The following SEC11A variants were observed in gnomAD, a reference collection of about 807,000 sequenced individuals.
SEC11A encodes the protein signal peptidase complex catalytic subunit SEC11A.
A neutral mutation model predicts 25.6 loss-of-function variants in SEC11A; 14 were observed. That is an observed-to-expected ratio of 0.55 (90% CI 0.36 to 0.85). The LOEUF (loss-of-function observed/expected upper bound fraction) is 0.85. SEC11A is among the 40% of genes least tolerant of loss of function. SEC11A has a pLI of 0.01. For missense variants in SEC11A, 153 were observed against 222.9 expected (o/e 0.69, Z 2.00); for synonymous variants, 83 against 76.4 (o/e 1.09, Z -0.45).
At chr15:84,707,021 T>C (rs1242304604) in intron 1 of SEC11A, among the ~76,000 whole-genome samples, 1 of 152,040 alleles carries the variant, frequency 6.6e-6, no homozygotes. Flanking sequence ...GCAGTCTCAC[T>C]CCAGCAGCTG....
intron 1 of SEC11A, among the ~76,000 whole-genome samples, chr15:84,713,206 A>AC (rs1415947764): frequency 2.4e-4 from 36 of 152,206 alleles, no homozygotes; most frequent in African/African-American, 8.2e-4. Context: ...AAAAAAAAAA[A>AC]AAACACTTAT....
intron 1 of SEC11A, among the ~76,000 whole-genome samples, chr15:84,711,809 T>C (rs1209700024): frequency 6.9e-6 from 1 of 144,998 alleles, no homozygotes; most frequent in Non-Finnish European, 1.5e-5. Flanking sequence ...AAAGAAGCCG[T>C]ACTCCAAACA....
intron 1 of SEC11A, among the ~76,000 whole-genome samples, chr15:84,698,986 A>T (rs1325661512): frequency 2.0e-5 from 3 of 151,806 alleles, no homozygotes; most frequent in Non-Finnish European, 4.4e-5. Context: ...AAAGGAATTA[A>T]CTATTGACAC....
intron 1 of SEC11A, 81 bp downstream of exon 1, chr15:84,715,944 C>A: frequency 7.3e-7 from 1 of 1,370,406 alleles, no homozygotes; most frequent in East Asian, 2.4e-5. Flanking sequence ...CACACCAGAA[C>A]CCTGGGGTCC....
At chr15:84,675,405 T>C (rs186381681) in intron 4 of SEC11A, among the ~76,000 whole-genome samples, 1 of 152,054 alleles carries the variant, frequency 6.6e-6, no homozygotes, top group Admixed American at 6.6e-5. Flanking sequence ...CCACAAAAAT[T>C]AAGAAGAGAC....
intron 1 of SEC11A, among the ~76,000 whole-genome samples, chr15:84,714,018 CTTTTTTTTTTT>C (rs34873142): frequency 1.0e-5 from 1 of 100,428 alleles, no homozygotes; most frequent in African/African-American, 4.0e-5. Context: ...CATATACCTT[CTTTTTTTTTTT>C]TTTTTTTTTT....
chr15:84,713,850 A>C (rs769541404), intron 1 of SEC11A, among the ~76,000 whole-genome samples: 11 of 152,144 alleles, frequency 7.2e-5, no homozygotes, highest in Non-Finnish European at 1.5e-4. Flanking sequence ...AAGGTCTTTC[A>C]AGATCCAACT....
In SEC11A at chr15:84,696,345, G is replaced by A. The variant is rs925494015; in HGVS notation, c.52-4701C>T. On this transcript the variant is annotated intron_variant, in intron 1 of 5. Transcript: ENST00000268220. The stretch of plus-strand genomic sequence containing the variant: ...TTATTCTGAAGGCTGAATTGAAGAC[G>A]TGGAGTGGGACATGATAGAAGTAGG... 2.6e-5 allele frequency among the ~76,000 whole-genome samples: 4 copies of A among 152,176 alleles called. No individual in the cohort carries two copies. In the East Asian group the frequency reaches 7.7e-4, roughly 29 times the overall value.
At chr15:84,704,823 G>A (rs908045448) in intron 1 of SEC11A, among the ~76,000 whole-genome samples, 6 of 152,206 alleles carry the variant, frequency 3.9e-5, no homozygotes, top group Admixed American at 1.3e-4. Flanking sequence ...AGGCTTGGGA[G>A]GGGTTTGGGG....
chr15:84,696,447 A>C (rs949621001), intron 1 of SEC11A, among the ~76,000 whole-genome samples: 5 of 152,188 alleles, frequency 3.3e-5, no homozygotes, highest in African/African-American at 1.2e-4. Flanking sequence ...CAAATTTCCA[A>C]CTTTCTGCAC....
chr15:84,691,434 A>G (rs1258476456), intron 2 of SEC11A, 101 bp downstream of exon 2: 2 of 657,892 alleles, frequency 3.0e-6, no homozygotes, highest in Non-Finnish European at 5.3e-6. Context: ...TTTCTGGAAA[A>G]GAGTAGTTTC....
intron 1 of SEC11A, among the ~76,000 whole-genome samples, chr15:84,693,417 G>A (rs1176468984): frequency 2.0e-5 from 3 of 148,386 alleles, no homozygotes; most frequent in African/African-American, 4.9e-5. Context: ...AATATGATTT[G>A]AATATTAAAT....
intron 1 of SEC11A, among the ~76,000 whole-genome samples, chr15:84,700,329 C>T (rs918855416): frequency 7.3e-5 from 11 of 151,712 alleles, no homozygotes; most frequent in Non-Finnish European, 1.5e-4. Context: ...GGCGAGGTGG[C>T]TTATGCCTGT....
At chr15:84,681,736 GAC>G (rs1191363684) in intron 3 of SEC11A, among the ~76,000 whole-genome samples, 1 of 152,058 alleles carries the variant, frequency 6.6e-6, no homozygotes, top group Non-Finnish European at 1.5e-5. Flanking sequence ...AGAAAGTTAT[GAC>G]ACAATTGGGG....
At chr15:84,696,135 A>G (rs904943367) in intron 1 of SEC11A, among the ~76,000 whole-genome samples, 1 of 152,180 alleles carries the variant, frequency 6.6e-6, no homozygotes, top group Non-Finnish European at 1.5e-5. Context: ...ATGTGAGCAC[A>G]TGGATAATCT....
chr15:84,703,956 C>A (rs565653672), intron 1 of SEC11A, among the ~76,000 whole-genome samples: 2 of 152,144 alleles, frequency 1.3e-5, no homozygotes, highest in African/African-American at 4.8e-5. Context: ...TCTTACCCAA[C>A]GGACTCATGA....
intron 4 of SEC11A, among the ~76,000 whole-genome samples, chr15:84,675,067 C>G (rs1349976900): frequency 6.6e-6 from 1 of 152,172 alleles, no homozygotes; most frequent in Non-Finnish European, 1.5e-5. Flanking sequence ...GTGTATAATG[C>G]TGCTATCATC....
chr15:84,679,280 C>A (rs752850416), intron 4 of SEC11A: 1 of 1,258,630 alleles, frequency 7.9e-7, no homozygotes, highest in East Asian at 5.6e-5. Context: ...CTCAGAAGCA[C>A]TGATGACCTA....
intron 5 of SEC11A, 36 bp from the exon 6 acceptor site, chr15:84,670,105 C>A: frequency 6.2e-7 from 1 of 1,602,884 alleles, no homozygotes; most frequent in Non-Finnish European, 8.5e-7. Flanking sequence ...GTCAGAGAAG[C>A]GTTGAAAAGT....
Sources: gnomAD v4.1 joint callset for allele counts (sites outside exome capture counted in the v4.1 genomes callset) on GRCh38, gnomAD v4.1.1 for gene constraint, MANE v1.5 for transcripts, NCBI Gene and HGNC (gene_info 2026-07-23, HGNC 2026-07-21) for gene names.